Variants in MRTFB observed in about 807,000 individuals in gnomAD.
MRTFB encodes myocardin-related transcription factor B.
MRTFB carries 29 observed loss-of-function variants against 104.2 expected under a neutral mutation model. The observed-to-expected ratio is 0.28, with a 90% CI of 0.21 to 0.38. The LOEUF (loss-of-function observed/expected upper bound fraction) is 0.38, where lower values mean the gene tolerates loss of function less well. MRTFB is among the 10% of genes least tolerant of loss of function. MRTFB has a pLI of 1.00. For missense variants in MRTFB, 1,270 were observed against 1,341.6 expected (o/e 0.95, Z 0.83); for synonymous variants, 535 against 519.5 (o/e 1.03, Z -0.41).
chr16:14,008,942 A>ATTTATTTATT, the MRTFB span, among the ~76,000 whole-genome samples: 14 of 150,718 alleles, frequency 9.3e-5, no homozygotes, highest in Admixed American at 2.0e-4. Context: ...TTAAAATTTT[A>ATTTATTTATT]TGTATTTATT....
At chr16:14,244,517 T>G (rs1377135237) in intron 10 of MRTFB, among the ~76,000 whole-genome samples, 1 of 152,252 alleles carries the variant, frequency 6.6e-6, no homozygotes, top group Non-Finnish European at 1.5e-5. Flanking sequence ...AGTAGTTGCA[T>G]CATTCACAGC....
chr16:14,121,088 C>T (rs867832562), intron 2 of MRTFB, among the ~76,000 whole-genome samples: 1 of 152,096 alleles, frequency 6.6e-6, no homozygotes, highest in African/African-American at 2.4e-5. Context: ...TCAAATTTCT[C>T]TTACATCAGA....
chr16:14,258,036 G>A (rs2043581669), intron 15 of MRTFB, 65 bp from the exon 16 acceptor site: 5 of 1,381,806 alleles, frequency 3.6e-6, no homozygotes, highest in Non-Finnish European at 5.1e-6. Flanking sequence ...CCTTAGGACT[G>A]CTAATTATAT....
the MRTFB span, among the ~76,000 whole-genome samples, chr16:13,996,091 G>T: frequency 8.8e-4 from 134 of 152,234 alleles, no homozygotes; most frequent in Non-Finnish European, 1.7e-3. Flanking sequence ...GGCCAACATG[G>T]TGAAACCCCA....
intron 15 of MRTFB, among the ~76,000 whole-genome samples, chr16:14,257,845 G>C (rs1472070195): frequency 2.6e-5 from 4 of 152,108 alleles, no homozygotes; most frequent in Admixed American, 6.5e-5. Flanking sequence ...CTCTCAAAAT[G>C]CAATTCAGTG....
intron 7 of MRTFB, among the ~76,000 whole-genome samples, chr16:14,218,503 G>C (rs1303476710): frequency 1.3e-5 from 2 of 151,476 alleles, no homozygotes; most frequent in Non-Finnish European, 2.9e-5. Flanking sequence ...GGCTTGTTTT[G>C]TTCTCTAGCA....
chr16:13,995,521 G>T, the MRTFB span, among the ~76,000 whole-genome samples: 3 of 152,202 alleles, frequency 2.0e-5, no homozygotes, highest in African/African-American at 7.2e-5. Flanking sequence ...CCTAAATGCA[G>T]CCTTTGGGCT....
intron 3 of MRTFB, among the ~76,000 whole-genome samples, chr16:14,207,135 C>CT (rs2040983560): frequency 1.3e-5 from 2 of 152,238 alleles, no homozygotes; most frequent in South Asian, 4.2e-4. Context: ...ATGAATGTGC[C>CT]TGGGGGAGGC....
At chr16:14,140,479 A>T (rs2037938789) in intron 2 of MRTFB, 65 bp from the exon 3 acceptor site, 3 of 1,198,232 alleles carry the variant, frequency 2.5e-6, no homozygotes, top group Non-Finnish European at 3.5e-6. Context: ...TCCCGTTTTA[A>T]TACTTTTGTG....
the MRTFB span, among the ~76,000 whole-genome samples, chr16:14,022,664 T>C: frequency 5.9e-5 from 9 of 152,084 alleles, no homozygotes; most frequent in Non-Finnish European, 1.2e-4. Context: ...GTGCTGGGAT[T>C]ACAGGCATGA....
chr16:14,035,269 T>C, the MRTFB span, among the ~76,000 whole-genome samples: 3 of 152,176 alleles, frequency 2.0e-5, no homozygotes, highest in Non-Finnish European at 4.4e-5. Flanking sequence ...AGAGGAGTTG[T>C]GTAACAACAG....
At position 14,091,204 on chromosome 16, in the gene MRTFB, T is replaced by C. The variant is rs140881122; in HGVS notation, c.-64+11850T>C. On this transcript the variant is annotated intron_variant, in intron 2 of 16. Coordinates refer to ENST00000571589, the MANE Select transcript of MRTFB (RefSeq NM_001308142.2). ...TTGATGAGGACCTGAACTAGGGCAC[T>C]GGTGGTAGAGTTGTAGAAGACAGAG... Among the ~76,000 whole-genome samples, 251 of 152,196 alleles carry C rather than the reference T, an allele frequency of 1.6e-3. 1 individual carries two copies. The highest frequency in any genetic ancestry group is 2.6e-3 in the Admixed American group (40 of 15,292).
At chr16:14,203,652 G>C (rs1444021178) in intron 3 of MRTFB, among the ~76,000 whole-genome samples, 1 of 151,534 alleles carries the variant, frequency 6.6e-6, no homozygotes, top group East Asian at 1.9e-4. Flanking sequence ...AAATACAACA[G>C]ATTAGCCGGG....
At chr16:14,222,759 G>A (rs1305124860) in intron 8 of MRTFB, among the ~76,000 whole-genome samples, 2 of 151,972 alleles carry the variant, frequency 1.3e-5, no homozygotes, top group Admixed American at 1.3e-4. Context: ...AAACCACAAT[G>A]AGATACCATC....
intron 11 of MRTFB, among the ~76,000 whole-genome samples, 159 bp from the exon 12 acceptor site, chr16:14,246,312 ATC>A (rs1486717497): frequency 6.6e-6 from 1 of 152,172 alleles, no homozygotes; most frequent in East Asian, 1.9e-4. Context: ...GTCTGTAGTT[ATC>A]TGTTTCTGTG....
chr16:14,137,764 C>T (rs1380576443), intron 2 of MRTFB, among the ~76,000 whole-genome samples: 2 of 152,144 alleles, frequency 1.3e-5, no homozygotes, highest in East Asian at 1.9e-4. Context: ...TTTTTCTATC[C>T]ATTTTCCACC....
At chr16:14,099,617 A>G (rs376024637) in intron 2 of MRTFB, among the ~76,000 whole-genome samples, 3 of 150,808 alleles carry the variant, frequency 2.0e-5, no homozygotes, top group East Asian at 1.9e-4. Context: ...CCAAAATGCT[A>G]GGATTACAAG....
At chr16:14,030,125 G>A in the MRTFB span, among the ~76,000 whole-genome samples, 1 of 152,140 alleles carries the variant, frequency 6.6e-6, no homozygotes, top group African/African-American at 2.4e-5. Flanking sequence ...AGGGCCTGTG[G>A]CTGACTTCCC....
At chr16:14,118,889 C>T (rs949463797) in intron 2 of MRTFB, among the ~76,000 whole-genome samples, 3 of 151,830 alleles carry the variant, frequency 2.0e-5, no homozygotes, top group Admixed American at 6.6e-5. Context: ...TTTAGCCTTT[C>T]GTGTGAGATT....
Sources: allele counts gnomAD v4.1 joint callset (sites outside exome capture counted in the v4.1 genomes callset), GRCh38; gene constraint gnomAD v4.1.1; transcripts MANE v1.5; gene names NCBI Gene and HGNC (gene_info 2026-07-23, HGNC 2026-07-21).